The following NCKIPSD variants were observed in gnomAD, a reference collection of about 807,000 sequenced individuals.
NCKIPSD encodes NCK interacting protein with SH3 domain, also known as NCK-interacting protein with SH3 domain.
In NCKIPSD, 48 loss-of-function variants were observed where a neutral mutation model predicts 73.4. The ratio of observed to expected loss-of-function variants is 0.65; its 90% CI spans 0.52 to 0.83. NCKIPSD has a LOEUF of 0.83. NCKIPSD is among the 40% of genes least tolerant of loss of function. The probability of loss-of-function intolerance (pLI) is 0.00; values close to 1 mark genes in which losing one functional copy is unlikely to be tolerated. For synonymous variants in NCKIPSD, 422 were observed against 403.6 expected, an observed-to-expected ratio of 1.05 and a Z score of -0.54; for missense variants, 884 against 970.2, an observed-to-expected ratio of 0.91 and a Z score of 1.18.
At position 48,682,849 on chromosome 3, in the gene NCKIPSD, C is replaced by A. The variant is rs1488520473; in HGVS notation, c.281+54G>T. The A allele has an allele frequency of 2.0e-6, 3 of 1,520,542 alleles. No individual in the cohort carries two copies. In the South Asian group the frequency reaches 3.7e-5, roughly 19 times the overall value. The allele number at this position is 1,520,542 out of a possible 1,614,324, so 94.2% of individuals were successfully genotyped here. On this transcript the variant is annotated intron_variant, in intron 2 of 12. Coordinates refer to ENST00000294129, the MANE Select transcript of NCKIPSD (RefSeq NM_016453.4). ...CTGCCCCATGACACTCATTGAAGAA[C>A]CCCACCCCACCATGCTCACCGGGAG...
rs752188044 is a variant in NCKIPSD at position 48,685,845 on chromosome 3, G to A, written c.-38C>T. 1 of 1,371,602 alleles carries A rather than the reference G, an allele frequency of 7.3e-7. No homozygotes were observed. Among genetic ancestry groups the A allele is most frequent in the South Asian group, 1.7e-5 (1 of 60,178 alleles). The allele number at this position is 1,371,602 out of a possible 1,614,324, so 85.0% of individuals were successfully genotyped here. A position where few individuals can be genotyped will look rare whatever the true frequency, so the allele number is the denominator to read the frequency against. On this transcript the variant is annotated 5_prime_UTR_variant, in exon 1 of 13. Transcript: ENST00000294129. ...GGCAGGTGCAGGGAAGGTGGCAAGG[G>A]CTGCGGCGCCACAACGCCAGGCCGG... is the stretch of plus-strand genomic sequence containing the variant.
At chr3:48,675,399 C>G (rs1023349980) in intron 12 of NCKIPSD, among the ~76,000 whole-genome samples, 1 of 151,232 alleles carries the variant, frequency 6.6e-6, no homozygotes, top group South Asian at 2.1e-4. Flanking sequence ...GGCCATCCTA[C>G]CTCCTACATA....
At chr3:48,679,206 T>C in intron 9 of NCKIPSD, 23 bp from the exon 10 acceptor site, 1 of 1,613,020 alleles carries the variant, frequency 6.2e-7, no homozygotes, top group South Asian at 1.1e-5. Context: ...CGCACAGAAG[T>C]CTGCAGCCCC....
chr3:48,679,027 G>C lies in NCKIPSD; in HGVS notation c.1699+28C>G, dbSNP rs375525257. 5.0e-6 allele frequency: 8 copies of C among 1,613,996 alleles called. No homozygotes were observed. In the African/African-American group the frequency reaches 9.3e-5, roughly 19 times the overall value. Reference sequence around the variant, plus strand: ...GAGCCTGAGAGCCACCATGTGCTCAGCCACCGCCCAGCCAGGCCCCACCCC... The same window carrying C: ...GAGCCTGAGAGCCACCATGTGCTCACCCACCGCCCAGCCAGGCCCCACCCC... On this transcript the variant is annotated intron_variant, in intron 10 of 12. Transcript: ENST00000294129.
Position 48,679,426 on chromosome 3 carries a change from G to A in NCKIPSD, c.1521C>T (p.Ile507=). Residue 507 remains isoleucine, a synonymous_variant, in exon 9 of 13, where the codon ATC becomes ATT. Transcript: ENST00000294129. The part of the protein sequence containing the change: ...DHQKLCYSAL[I]LAMVFSMGEA... The stretch of plus-strand genomic sequence containing the variant: ...CTCCCATGGAGAAGACCATGGCCAG[G>A]ATGAGGGCAGAGTAACAGAGTTTCT... 1 of 1,613,996 alleles carries A rather than the reference G, an allele frequency of 6.2e-7. No homozygotes were observed. The highest frequency in any genetic ancestry group is 8.5e-7 in the Non-Finnish European group (1 of 1,179,912).
intron 5 of NCKIPSD, among the ~76,000 whole-genome samples, chr3:48,680,688 A>G (rs1414859757): frequency 6.6e-6 from 1 of 151,996 alleles, no homozygotes; most frequent in Non-Finnish European, 1.5e-5. Flanking sequence ...GGAACCATGG[A>G]GCACTAAAGA....
chr3:48,679,691 A>C lies in NCKIPSD; in HGVS notation c.1373T>G (p.Leu458Arg), dbSNP rs147306646. The C allele has an allele frequency of 1.4e-5, 23 of 1,614,216 alleles. No homozygotes were observed. The highest frequency in any genetic ancestry group is 1.7e-6 in the Non-Finnish European group (2 of 1,180,034). Residue 458 changes from leucine to arginine, a missense_variant, in exon 8 of 13, where the codon CTG (leucine) becomes CGG (arginine). Coordinates refer to ENST00000294129, the MANE Select transcript of NCKIPSD (RefSeq NM_016453.4). ...YQMEHRASLR[L>R]LLLKCFGAMC... ...GGCGCCAAAGCACTTGAGGAGCAGCAGCCGCAGTGATGCTCGGTGTTCCTG... is the reference window on the plus strand; with the variant it reads ...GGCGCCAAAGCACTTGAGGAGCAGCCGCCGCAGTGATGCTCGGTGTTCCTG...
intron 12 of NCKIPSD, 61 bp downstream of exon 12, chr3:48,678,503 C>T: frequency 2.0e-6 from 3 of 1,527,780 alleles, no homozygotes; most frequent in South Asian, 2.5e-5. Context: ...TGTCATGCCC[C>T]CCACCATTTT....
chr3:48,678,524 CCA>C lies in NCKIPSD; in HGVS notation c.1965+38_1965+39del, dbSNP rs775015283. 8 of 1,571,790 alleles carry C rather than the reference CCA, an allele frequency of 5.1e-6. No homozygotes were observed. In the East Asian group the frequency reaches 1.8e-4, roughly 36 times the overall value. ...GCCCCCCACCATTTTGTTTCAGTTT[CCA>C]CACAGTGACCCCCGCTGCTGCAGCC... On this transcript the variant is annotated intron_variant, in intron 12 of 12. Coordinates refer to ENST00000294129, the MANE Select transcript of NCKIPSD (RefSeq NM_016453.4).
In NCKIPSD at chr3:48,674,684, G is replaced by A. The variant is rs892863604; in HGVS notation, c.2029C>T (p.Arg677Cys). Residue 677 changes from arginine (R) to cysteine (C), a missense_variant, in exon 13 of 13, where the codon CGC becomes TGC. By Grantham distance (180) the Arg-to-Cys change is radical (BLOSUM62 -3). Transcript: ENST00000294129. ...IVRTTPYLQH[R>C]HRLPDLQAIL... Reference sequence around the variant, plus strand: ...GCCTGCAGGTCGGGTAGCCGGTGGCGGTGCTGCAGGTAGGGTGTGGTGCGG... The same window carrying A: ...GCCTGCAGGTCGGGTAGCCGGTGGCAGTGCTGCAGGTAGGGTGTGGTGCGG... 8.7e-6 allele frequency: 14 copies of A among 1,613,948 alleles called. No homozygotes were observed. The highest frequency in any genetic ancestry group is 4.5e-5 in the East Asian group (2 of 44,886).
At position 48,679,393 on chromosome 3, in the gene NCKIPSD, C is replaced by T. The variant is rs1188869956; in HGVS notation, c.1554G>A (p.Val518=). ...CATTCTTACCATAGTGTGCATAGGGCACTGCCTCTCCCATGGAGAAGACCA... is the reference window on the plus strand; with the variant it reads ...CATTCTTACCATAGTGTGCATAGGGTACTGCCTCTCCCATGGAGAAGACCA... ...LAMVFSMGEA[V]PYAHYEHLGT... is the part of the protein sequence containing the mutation. The change falls in exon 9 of 13, where the codon GTG becomes GTA. Residue 518 remains valine (V), a synonymous_variant. Transcript: ENST00000294129. 7 of 1,614,056 alleles carry T rather than the reference C, an allele frequency of 4.3e-6. No homozygotes were observed. The highest frequency in any genetic ancestry group is 1.3e-5 in the African/African-American group (1 of 74,918).
At chr3:48,683,114 G>C in intron 1 of NCKIPSD, 102 bp from the exon 2 acceptor site, 2 of 1,529,670 alleles carry the variant, frequency 1.3e-6, no homozygotes, top group Admixed American at 3.9e-5. Flanking sequence ...CCAATATAGC[G>C]AAAGCCTGGA....
chr3:48,684,119 C>A (rs1038148329), intron 1 of NCKIPSD, among the ~76,000 whole-genome samples: 5 of 151,814 alleles, frequency 3.3e-5, no homozygotes, highest in Non-Finnish European at 7.4e-5. Context: ...AGAGCCAAAG[C>A]CAGAGTGTGG....
chr3:48,685,191 A>AAGGGAGGAAGGAAGGGAGGG (rs2077416338), intron 1 of NCKIPSD, among the ~76,000 whole-genome samples: 1 of 34,136 alleles, frequency 2.9e-5, no homozygotes, highest in African/African-American at 1.5e-4. Context: ...GGGAAGAAGG[A>AAGGGAGGAAGGAAGGGAGGG]AGGGAGGGAG....
chr3:48,679,946 AAG>A (rs1296090984), intron 6 of NCKIPSD, 59 bp from the exon 7 acceptor site: 27 of 1,612,682 alleles, frequency 1.7e-5, no homozygotes, highest in Middle Eastern at 3.3e-4. Flanking sequence ...GCAGCCGCAC[AAG>A]AGAGGGCTGA....
chr3:48,684,624 C>T (rs1482121260), intron 1 of NCKIPSD, among the ~76,000 whole-genome samples: 4 of 152,170 alleles, frequency 2.6e-5, no homozygotes, highest in African/African-American at 9.7e-5. Flanking sequence ...TAGGACGGGG[C>T]GGGGGTGTCT....
At position 48,679,466 on chromosome 3, in the gene NCKIPSD, G is replaced by T; in HGVS notation, c.1490-9C>A. 3 of 1,609,766 alleles carry T rather than the reference G, an allele frequency of 1.9e-6. No homozygotes were observed. The highest frequency in any genetic ancestry group is 2.5e-6 in the Non-Finnish European group (3 of 1,177,096). ...ACAGAGTTTCTGGTGGTCTGGGGGG[G>T]ACAAGGCAGGCAGTCAGAGTCCCCA... On this transcript the variant is annotated splice_polypyrimidine_tract_variant and intron_variant, in intron 8 of 12. Coordinates refer to ENST00000294129, the MANE Select transcript of NCKIPSD (RefSeq NM_016453.4).
Position 48,679,408 on chromosome 3 carries a change from G to GGA in NCKIPSD, c.1537_1538dup (p.Met514ProfsTer23). The GGA allele has an allele frequency of 6.2e-7, 1 of 1,614,118 alleles. No homozygotes were observed. The highest frequency in any genetic ancestry group is 8.5e-7 in the Non-Finnish European group (1 of 1,180,006). On this transcript the variant is annotated frameshift_variant, in exon 9 of 13. Coordinates refer to ENST00000294129, the MANE Select transcript of NCKIPSD (RefSeq NM_016453.4). LOFTEE classifies it high-confidence loss of function. ...GTGCATAGGGCACTGCCTCTCCCATGGAGAAGACCATGGCCAGGATGAGGG... is the reference window on the plus strand; with the variant it reads ...GTGCATAGGGCACTGCCTCTCCCATGGAGAGAAGACCATGGCCAGGATGAGGG...
chr3:48,685,382 C>T (rs919999880), intron 1 of NCKIPSD, among the ~76,000 whole-genome samples: 3 of 152,052 alleles, frequency 2.0e-5, no homozygotes, highest in Non-Finnish European at 4.4e-5. Flanking sequence ...TGAGGAGTCT[C>T]AGTCCCAGAG....
Sources: allele counts gnomAD v4.1 joint callset (sites outside exome capture counted in the v4.1 genomes callset), GRCh38; gene constraint gnomAD v4.1.1; transcripts MANE v1.5; gene names NCBI Gene and HGNC (gene_info 2026-07-23, HGNC 2026-07-21).